Variants in LAS1L observed in about 807,000 individuals in gnomAD.
LAS1L encodes LAS1 like ribosome biogenesis factor, also known as ribosomal biogenesis protein LAS1L.
Under a neutral mutation model 57.3 loss-of-function variants are expected in LAS1L, and 5 were observed. That is an observed-to-expected ratio of 0.09 (90% CI 0.05 to 0.18). LAS1L has a LOEUF of 0.18. LAS1L is among the 10% of genes least tolerant of loss of function. The probability of loss-of-function intolerance (pLI) is 1.00; values close to 1 mark genes in which losing one functional copy is unlikely to be tolerated. For missense variants in LAS1L, 360 were observed against 568.3 expected (o/e 0.63, Z 3.73); for synonymous variants, 245 against 231.7 (o/e 1.06, Z -0.52).
At chrX:65,518,637 C>T (rs2068735254) in intron 11 of LAS1L, 172 bp from the exon 12 acceptor site, 6 of 513,102 alleles carry the variant, frequency 1.2e-5, no homozygotes, top group Non-Finnish European at 1.4e-5. Flanking sequence ...AGAACAAACT[C>T]TGTGGTTCAT....
rs548496180 is a variant in LAS1L, at chrX:65,517,414, A to AT, written c.1927+572dup. On this transcript the variant is annotated intron_variant, in intron 12 of 13. Transcript: ENST00000374811. ...AGGCGCCCGCCACCACGCCCAGCTA[A>AT]TTTTTTTTTTGTATTTTTAGTAGAG... 4.2e-4 allele frequency among the ~76,000 whole-genome samples: 44 copies of AT among 104,859 alleles called. No individual in the cohort carries two copies. The South Asian group carries it at 0.012, about 28-fold the overall frequency. The allele number at this position is 104,859 out of a possible 115,157, so 91.1% of individuals were successfully genotyped here.
Position 65,529,758 on chromosome X carries a change from T to A in LAS1L, c.635A>T (p.Glu212Val). 8.3e-7 allele frequency: 1 copy of A among 1,211,692 alleles called. No individual in the cohort carries two copies. The highest frequency in any genetic ancestry group is 1.1e-6 in the Non-Finnish European group (1 of 895,396). Residue 212 changes from glutamate to valine, a missense_variant, in exon 5 of 14, where the codon GAG becomes GTG. Physicochemically the swap from Glu to Val is moderately radical, Grantham distance 121 (BLOSUM62 -2). Around this residue, in one of 7 missense-constraint regions of LAS1L, gnomAD observed 51 missense variants for 43.1 expected, o/e 1.18. Coordinates refer to ENST00000374811, the MANE Select transcript of LAS1L (RefSeq NM_031206.7). ...ATCAACAACAATGTTCTTATCTTCC[T>A]CTTGATCCTCTTCCTCTATCCCTTC... is the stretch of plus-strand genomic sequence containing the variant. ...FREGIEEEDQEEDKNIVVDDI... is the reference protein window; with the variant it reads ...FREGIEEEDQVEDKNIVVDDI...
At chrX:65,533,820 C>G in intron 1 of LAS1L, 85 bp from the exon 2 acceptor site, 2 of 1,004,396 alleles carry the variant, frequency 2.0e-6, no homozygotes, top group East Asian at 3.1e-5. Context: ...TTGCAGGCTA[C>G]ACCCATCATA....
intron 5 of LAS1L, 115 bp downstream of exon 5, chrX:65,529,479 G>A: frequency 2.3e-6 from 2 of 879,212 alleles, no homozygotes; most frequent in Non-Finnish European, 3.1e-6. Flanking sequence ...AATTTTTTAA[G>A]CTAAGATTCA....
intron 10 of LAS1L, 70 bp from the exon 11 acceptor site, chrX:65,523,777 G>T: frequency 9.4e-7 from 1 of 1,069,391 alleles, no homozygotes; most frequent in Non-Finnish European, 1.2e-6. Flanking sequence ...ACCTCAGAAA[G>T]TTTGGCTCTG....
At chrX:65,517,741 C>G (rs1170583584) in intron 12 of LAS1L, among the ~76,000 whole-genome samples, 1 of 112,612 alleles carries the variant, frequency 8.9e-6, no homozygotes, top group African/African-American at 3.2e-5. Flanking sequence ...GGCTCACACC[C>G]ATGTCATCCT....
chrX:65,518,749 C>T (rs2068739163), intron 11 of LAS1L: 1 of 684,771 alleles, frequency 1.5e-6, no homozygotes, highest in South Asian at 7.5e-5. Flanking sequence ...CATAGAATGC[C>T]TGGCACAGTG....
rs1398336631 is a variant in LAS1L, at chrX:65,512,866, T to C, written c.2114A>G (p.Asn705Ser). 7 of 1,167,157 alleles carry C rather than the reference T, an allele frequency of 6.0e-6. No homozygotes were observed. Among genetic ancestry groups the C allele is most frequent in the Non-Finnish European group, 8.0e-6 (7 of 872,452 alleles). ...GTTGCTGCTGCTGCTGTTGCTGCAG[T>C]TGCCACTGCCGACACCACAGCTCAG... ...LGLSCGVGSG[N>S]CSNSSSSNFE... The change falls in exon 14 of 14, where the codon AAC (asparagine) becomes AGC (serine). Residue 705 changes from asparagine to serine, a missense_variant. Physicochemically the swap from Asn to Ser is conservative, Grantham distance 46. Around this residue, in one of 7 missense-constraint regions of LAS1L, gnomAD observed 123 missense variants for 168.3 expected, o/e 0.73. Coordinates refer to ENST00000374811, the MANE Select transcript of LAS1L (RefSeq NM_031206.7).
At chrX:65,531,530 G>T in intron 3 of LAS1L, 92 bp from the exon 4 acceptor site, 2 of 585,324 alleles carry the variant, frequency 3.4e-6, no homozygotes, top group Non-Finnish European at 5.6e-6. Context: ...ACCACCTCCT[G>T]CCCCATTTTA....
chrX:65,530,001 A>C, intron 4 of LAS1L, 123 bp from the exon 5 acceptor site: 113 of 589,135 alleles, frequency 1.9e-4, no homozygotes, highest in Non-Finnish European at 2.8e-4. Flanking sequence ...TTCAAATCTC[A>C]AATATCCAGA....
At chrX:65,524,858 G>A in intron 8 of LAS1L, 107 bp downstream of exon 8, 1 of 562,959 alleles carries the variant, frequency 1.8e-6, no homozygotes, top group Non-Finnish European at 2.9e-6. Context: ...GCCATGGAAT[G>A]GCAGGAAACA....
intron 1 of LAS1L, 73 bp downstream of exon 1, chrX:65,534,407 T>C (rs2069698521): frequency 1.3e-6 from 1 of 788,309 alleles, no homozygotes; most frequent in African/African-American, 6.3e-5. Flanking sequence ...AACAGGGCCT[T>C]ATAGAAACTC....
At chrX:65,527,686 A>G (rs1198413973) in intron 7 of LAS1L, among the ~76,000 whole-genome samples, 1 of 109,273 alleles carries the variant, frequency 9.2e-6, no homozygotes, top group Admixed American at 9.8e-5. Context: ...TACAAAAACT[A>G]GCCAGGTGTG....
chrX:65,534,578 G>A lies in LAS1L; in HGVS notation c.138C>T (p.Leu46=). Residue 46 remains leucine (L), a synonymous_variant, in exon 1 of 14, where the codon CTC becomes CTT. Transcript: ENST00000374811. ...LSAHGIVVAW[L]SRAEWDQVTV... ...TCACCTGGTCCCACTCGGCCCTGCTGAGCCAGGCGACCACGATGCCGTGGG... is the reference window on the plus strand; with the variant it reads ...TCACCTGGTCCCACTCGGCCCTGCTAAGCCAGGCGACCACGATGCCGTGGG... 8.3e-7 allele frequency: 1 copy of A among 1,207,503 alleles called. No homozygotes were observed. Among genetic ancestry groups the A allele is most frequent in the Non-Finnish European group, 1.1e-6 (1 of 893,259 alleles).
intron 3 of LAS1L, among the ~76,000 whole-genome samples, 170 bp from the exon 4 acceptor site, chrX:65,531,608 G>C (rs1204292892): frequency 1.8e-5 from 2 of 112,150 alleles, no homozygotes; most frequent in African/African-American, 6.5e-5. Context: ...AAAAAAAACA[G>C]CTCTTCTTAT....
At chrX:65,525,765 A>AAAAAG (rs1556309415) in intron 7 of LAS1L, among the ~76,000 whole-genome samples, 1 of 107,508 alleles carries the variant, frequency 9.3e-6, no homozygotes, top group African/African-American at 3.6e-5. Context: ...AAAAAAAAAA[A>AAAAAG]AAAGAAAGAA....
intron 6 of LAS1L, 23 bp downstream of exon 6, chrX:65,529,189 C>A (rs56399692): frequency 8.5e-7 from 1 of 1,182,135 alleles, no homozygotes; most frequent in Non-Finnish European, 1.1e-6. Flanking sequence ...TGAGAGCACA[C>A]CAAGTCCAGG....
intron 11 of LAS1L, chrX:65,522,302 GA>G (rs2068889287): frequency 9.1e-6 from 1 of 110,337 alleles, no homozygotes; most frequent in African/African-American, 3.3e-5. Context: ...TGAAATGGGA[GA>G]GGGGGAGGGG....
At chrX:65,524,652 G>A in intron 8 of LAS1L, 38 bp from the exon 9 acceptor site, 1 of 521,529 alleles carries the variant, frequency 1.9e-6, no homozygotes, top group Non-Finnish European at 3.5e-6. Flanking sequence ...GACCTCACAA[G>A]GCCCCTCCAA....
Sources: gnomAD v4.1 joint callset for allele counts (sites outside exome capture counted in the v4.1 genomes callset) on GRCh38, gnomAD v4.1.1 for gene constraint, gnomAD v4.1.1 regional missense constraint, MANE v1.5 for transcripts, NCBI Gene and HGNC (gene_info 2026-07-23, HGNC 2026-07-21) for gene names.